Variants in ATXN2 observed in about 807,000 individuals in gnomAD.
The protein encoded by ATXN2 is ataxin 2.
In ATXN2, 37 loss-of-function variants were observed where a neutral mutation model predicts 138.6. That is an observed-to-expected ratio of 0.27 (90% confidence interval 0.21 to 0.35). The LOEUF (loss-of-function observed/expected upper bound fraction) is 0.35. Ranked by LOEUF, ATXN2 falls within the 10% of genes least tolerant of loss-of-function variation. The pLI, the probability that ATXN2 is intolerant of heterozygous loss-of-function variation, is 1.00. For missense variants in ATXN2, 1,216 were observed against 1,480.3 expected (o/e 0.82, Z 2.93); for synonymous variants, 549 against 543.7 (o/e 1.01, Z -0.13).
At chr12:111,563,440 T>C (rs1215829621) in intron 1 of ATXN2, among the ~76,000 whole-genome samples, 1 of 152,156 alleles carries the variant, frequency 6.6e-6, no homozygotes, top group Non-Finnish European at 1.5e-5. Flanking sequence ...CAATTATTAA[T>C]TTCCTTATTT....
chr12:111,456,909 G>A (rs966279175), intron 22 of ATXN2, among the ~76,000 whole-genome samples: 3 of 151,898 alleles, frequency 2.0e-5, no homozygotes, highest in South Asian at 2.1e-4. Flanking sequence ...CACCACGCCC[G>A]GCTAATTTTT....
intron 5 of ATXN2, among the ~76,000 whole-genome samples, chr12:111,528,757 G>C (rs1880645204): frequency 6.6e-6 from 1 of 152,120 alleles, no homozygotes; most frequent in Admixed American, 6.5e-5. Flanking sequence ...GAAGTGGAGA[G>C]TTAGCACGAA....
chr12:111,530,318 A>T (rs563869873), intron 5 of ATXN2, among the ~76,000 whole-genome samples: 5 of 152,364 alleles, frequency 3.3e-5, no homozygotes, highest in African/African-American at 1.2e-4. Context: ...CTAGTTACAG[A>T]AATGAAGCAA....
intron 1 of ATXN2, chr12:111,581,638 G>A (rs989372515): frequency 5.2e-6 from 4 of 764,042 alleles, no homozygotes; most frequent in South Asian, 4.1e-5. Flanking sequence ...CTAGGGACAA[G>A]AAGATGGTTG....
At position 111,470,172 on chromosome 12, in the gene ATXN2, C is replaced by A. The variant is rs1364190025; in HGVS notation, c.2778G>T (p.Gln926His). The A allele has an allele frequency of 6.2e-7, 1 of 1,614,134 alleles. No individual in the cohort carries two copies. Among genetic ancestry groups the A allele is most frequent in the Middle Eastern group, 1.6e-4 (1 of 6,062 alleles). The change falls in exon 20 of 25, where the codon CAG (glutamine) becomes CAT (histidine). Residue 926 changes from glutamine (Q) to histidine (H), a missense_variant. Around this residue, in one of 4 missense-constraint regions of ATXN2, gnomAD observed 490 missense variants for 653.5 expected, o/e 0.75. Transcript: ENST00000673436. ...TTGCTGAAGAAGATACTAAACCAGG[C>A]TGGGCGTGTGTTGGTGGTGCCATCA... ...ARMMAPPTHA[Q>H]PGLVSSSATQ...
At chr12:111,548,192 AAAAC>A (rs1225644424) in intron 5 of ATXN2, among the ~76,000 whole-genome samples, 4 of 152,180 alleles carry the variant, frequency 2.6e-5, no homozygotes, top group Non-Finnish European at 2.9e-5. Flanking sequence ...ACTCTGTCTC[AAAAC>A]AAACAAACAA....
chr12:111,586,309 C>T (rs1333475499), intron 1 of ATXN2, among the ~76,000 whole-genome samples: 1 of 150,988 alleles, frequency 6.6e-6, no homozygotes, highest in Non-Finnish European at 1.5e-5. Context: ...GCAACCTTCA[C>T]CTCCCGGGTT....
At chr12:111,455,978 C>G in intron 23 of ATXN2, 51 bp downstream of exon 23, 1 of 1,547,098 alleles carries the variant, frequency 6.5e-7, no homozygotes, top group Non-Finnish European at 8.9e-7. Flanking sequence ...TTACTGATAA[C>G]CTTCACATTC....
intron 1 of ATXN2, among the ~76,000 whole-genome samples, chr12:111,561,338 C>T (rs1450437937): frequency 6.9e-6 from 1 of 145,966 alleles, no homozygotes; most frequent in African/African-American, 2.5e-5. Context: ...ACTAGATATA[C>T]AAAAAATTAG....
chr12:111,494,495 G>A (rs1390527326), intron 14 of ATXN2, among the ~76,000 whole-genome samples: 5 of 143,972 alleles, frequency 3.5e-5, no homozygotes, highest in Non-Finnish European at 6.0e-5. Flanking sequence ...GCACAATATT[G>A]ACTCACTGCA....
chr12:111,578,585 A>T (rs765674103), intron 1 of ATXN2, among the ~76,000 whole-genome samples: 1 of 152,186 alleles, frequency 6.6e-6, no homozygotes, highest in Non-Finnish European at 1.5e-5. Context: ...AGTAAACTCT[A>T]TATTTGTACA....
At chr12:111,576,728 G>C (rs2135822336) in intron 1 of ATXN2, among the ~76,000 whole-genome samples, 1 of 151,898 alleles carries the variant, frequency 6.6e-6, no homozygotes, top group Non-Finnish European at 1.5e-5. Context: ...GGGAGGCCGA[G>C]GCGGGCGGAT....
At chr12:111,458,583 A>G (rs1875310344) in intron 21 of ATXN2, among the ~76,000 whole-genome samples, 1 of 152,214 alleles carries the variant, frequency 6.6e-6, no homozygotes, top group East Asian at 1.9e-4. Flanking sequence ...AACTCTAGCA[A>G]GGTATAGTTC....
In ATXN2 at chr12:111,539,508, G is replaced by A. The variant is rs544985238; in HGVS notation, c.571+12772C>T. Among the ~76,000 whole-genome samples the A allele has an allele frequency of 4.0e-5, 6 of 150,468 alleles. No individual in the cohort carries two copies. The East Asian group carries it at 1.2e-3, about 29-fold the overall frequency. ...CATGCCTGTAATCCCAGCACTTTGG[G>A]AGGCCGAGGCGGATGGATCACGAGG... On this transcript the variant is annotated intron_variant, in intron 5 of 24. Transcript: ENST00000673436.
intron 5 of ATXN2, among the ~76,000 whole-genome samples, chr12:111,537,594 AG>A (rs1207754952): frequency 6.6e-6 from 1 of 151,304 alleles, no homozygotes; most frequent in Non-Finnish European, 1.5e-5. Flanking sequence ...AAAAAAAAAA[AG>A]AAAAAAAAAG....
chr12:111,567,635 G>A (rs1378058318), intron 1 of ATXN2, among the ~76,000 whole-genome samples: 1 of 152,042 alleles, frequency 6.6e-6, no homozygotes, highest in Non-Finnish European at 1.5e-5. Flanking sequence ...CCAATATGGT[G>A]AAACCCCATC....
chr12:111,577,328 CGA>C (rs1688459666), intron 1 of ATXN2, among the ~76,000 whole-genome samples: 1 of 151,996 alleles, frequency 6.6e-6, no homozygotes, highest in African/African-American at 2.4e-5. Context: ...TGCAGTGGCA[CGA>C]TCTCGGCTCA....
chr12:111,582,918 T>A (rs1172489663), intron 1 of ATXN2, among the ~76,000 whole-genome samples: 1 of 151,402 alleles, frequency 6.6e-6, no homozygotes, highest in African/African-American at 2.4e-5. Context: ...TCCACCCGCC[T>A]CGGCCTTCCA....
chr12:111,483,188 A>AACACACACACACACACAC (rs746562037), intron 18 of ATXN2, among the ~76,000 whole-genome samples: 1 of 118,946 alleles, frequency 8.4e-6, no homozygotes, highest in African/African-American at 3.7e-5. Flanking sequence ...CCCTGTATCA[A>AACACACACACACACACAC]ACACATACAC....
Sources: allele counts gnomAD v4.1 joint callset (sites outside exome capture counted in the v4.1 genomes callset), GRCh38; gene constraint gnomAD v4.1.1; regional missense constraint gnomAD v4.1.1; transcripts MANE v1.5; gene names NCBI Gene and HGNC (gene_info 2026-07-23, HGNC 2026-07-21).